The following STK3 variants were observed in gnomAD, a reference collection of about 807,000 sequenced individuals.
The protein encoded by STK3 is serine/threonine-protein kinase 3.
A neutral mutation model predicts 58.0 loss-of-function variants in STK3; 41 were observed. The observed-to-expected ratio is 0.71, with a 90% confidence interval of 0.55 to 0.92. STK3 has a LOEUF of 0.92. STK3 is among the 40% of genes least tolerant of loss of function. The pLI is 0.00. For synonymous variants in STK3, 170 were observed against 191.0 expected (o/e 0.89, Z 0.91); for missense variants, 479 against 602.7 (o/e 0.79, Z 2.15).
intron 1 of STK3, among the ~76,000 whole-genome samples, chr8:98,936,582 T>A (rs1587872125): frequency 6.6e-6 from 1 of 152,334 alleles, no homozygotes; most frequent in Non-Finnish European, 1.5e-5. Flanking sequence ...TCCCAGGCCA[T>A]ATGGCTTGTC....
intron 6 of STK3, among the ~76,000 whole-genome samples, chr8:98,613,648 A>G (rs1438152663): frequency 1.3e-5 from 2 of 152,082 alleles, no homozygotes; most frequent in Non-Finnish European, 2.9e-5. Context: ...CAGGAAGTAA[A>G]AAAAAAGAAA....
intron 10 of STK3, among the ~76,000 whole-genome samples, chr8:98,477,918 G>A (rs1166909473): frequency 6.6e-6 from 1 of 152,082 alleles, no homozygotes; most frequent in Non-Finnish European, 1.5e-5. Flanking sequence ...TTCACAAGAT[G>A]CCAGTAGCTT....
chr8:98,393,144 C>G (rs566082497), upstream of STK3, among the ~76,000 whole-genome samples: 33 of 152,286 alleles, frequency 2.2e-4, no homozygotes, highest in East Asian at 6.2e-3. Flanking sequence ...TGAAAGGTCC[C>G]TTGCCCCCTT....
intron 10 of STK3, among the ~76,000 whole-genome samples, chr8:98,456,712 T>A (rs1819517481): frequency 6.6e-6 from 1 of 152,238 alleles, no homozygotes; most frequent in Non-Finnish European, 1.5e-5. Context: ...GTAGCTGGGA[T>A]GTGCCACTGC....
chr8:98,538,733 G>A (rs1157026862), intron 9 of STK3, among the ~76,000 whole-genome samples: 2 of 152,160 alleles, frequency 1.3e-5, no homozygotes, highest in African/African-American at 4.8e-5. Context: ...ACATCCTTGT[G>A]TGTGTTTTGT....
At chr8:98,896,770 G>A (rs766910817) in intron 1 of STK3, among the ~76,000 whole-genome samples, 4 of 152,182 alleles carry the variant, frequency 2.6e-5, no homozygotes, top group East Asian at 1.9e-4. Context: ...CTTGAGGTCA[G>A]GAGTTTGAGA....
At chr8:98,840,917 A>G (rs977604122) in intron 3 of STK3, among the ~76,000 whole-genome samples, 5 of 152,086 alleles carry the variant, frequency 3.3e-5, no homozygotes, top group African/African-American at 7.2e-5. Context: ...CTGGGACAGG[A>G]TCCACTTCCA....
At chr8:98,569,440 TC>T (rs1323266280) in intron 8 of STK3, among the ~76,000 whole-genome samples, 6 of 151,968 alleles carry the variant, frequency 3.9e-5, no homozygotes, top group African/African-American at 1.5e-4. Context: ...AGGAATTAGT[TC>T]CGATTAGTAA....
Position 98,428,131 on chromosome 8 carries a change from C to T in STK3, n.483+5996G>A. On this transcript the variant is annotated intron_variant and non_coding_transcript_variant, in intron 3 of 3. Coordinates refer to the STK3 transcript ENST00000517832. This position sits in a 1 kb window ranked among gnomAD's most constrained non-coding sequence, Gnocchi z 6.7. ...CTGGGCCGCTTGCTGCTCTGCCACT[C>T]GCGCGAGGCCATTCTGGAGCTCTGC... The T allele has an allele frequency of 6.2e-7, 1 of 1,614,026 alleles. No individual in the cohort carries two copies. The highest frequency in any genetic ancestry group is 8.5e-7 in the Non-Finnish European group (1 of 1,180,020).
In STK3 at chr8:98,564,614, G is replaced by A. The variant is rs140251808; in HGVS notation, c.948+15050C>T. ...TACTGTATATTTCAAAATGGCAGAA[G>A]ATTTTGAATGTTCTTACCACAAAGA... On this transcript the variant is annotated intron_variant, in intron 8 of 10. Transcript: ENST00000419617. Among the ~76,000 whole-genome samples the A allele has an allele frequency of 2.0e-3, 304 of 152,230 alleles. 2 individuals carry two copies. The highest frequency in any genetic ancestry group is 7.1e-3 in the African/African-American group (295 of 41,542).
At chr8:98,491,980 C>T (rs1388991300) in intron 10 of STK3, among the ~76,000 whole-genome samples, 2 of 151,990 alleles carry the variant, frequency 1.3e-5, no homozygotes, top group Non-Finnish European at 2.9e-5. Flanking sequence ...CAAATGTACA[C>T]CAGAAATAAA....
chr8:98,890,012 C>T (rs1268919749), intron 1 of STK3: 1 of 152,250 alleles, frequency 6.6e-6, no homozygotes, highest in Non-Finnish European at 1.5e-5. Context: ...GAGTAAAAGG[C>T]AAAGCCTCTA....
chr8:98,453,935 A>C (rs1819317053), downstream of STK3, among the ~76,000 whole-genome samples: 1 of 152,210 alleles, frequency 6.6e-6, no homozygotes. Flanking sequence ...ACTGTCCCCA[A>C]CAGACTCCAG....
At chr8:98,599,042 A>ATGTGTTGACT in intron 6 of STK3, 1 of 292,158 alleles carries the variant, frequency 3.4e-6, no homozygotes, top group Non-Finnish European at 5.1e-6. Flanking sequence ...ATGAGTCAAC[A>ATGTGTTGACT]CATGTCTGAC....
In STK3 at chr8:98,474,051, T is replaced by A. The variant is rs188934107; in HGVS notation, c.1318-18051A>T. 4.3e-3 allele frequency among the ~76,000 whole-genome samples: 649 copies of A among 152,304 alleles called. 1 individual carries two copies. Among genetic ancestry groups the A allele is most frequent in the Non-Finnish European group, 6.6e-3 (451 of 67,994 alleles). ...TATCTTTTAACCTTTCCTATTTCAC[T>A]AAATGGCTCTTCCACCATCCAACTA... is the stretch of plus-strand genomic sequence containing the variant. On this transcript the variant is annotated intron_variant, in intron 10 of 10. Coordinates refer to ENST00000419617, the MANE Select transcript of STK3 (RefSeq NM_006281.4).
intron 6 of STK3, among the ~76,000 whole-genome samples, chr8:98,691,931 C>CAAA (rs34109446): frequency 9.6e-6 from 1 of 104,502 alleles, no homozygotes. Context: ...AACTCCGCCT[C>CAAA]AAAAAAAAAA....
In STK3 at chr8:98,465,454, G is replaced by C. The variant is rs549961250; in HGVS notation, c.1318-9454C>G. Among the ~76,000 whole-genome samples, 16 of 152,294 alleles carry C rather than the reference G, an allele frequency of 1.1e-4. No individual in the cohort carries two copies. The East Asian group carries it at 3.1e-3, about 29-fold the overall frequency. On this transcript the variant is annotated intron_variant, in intron 10 of 10. Transcript: ENST00000419617. ...AAAATCCCAACTTTCCTGTCAGATT[G>C]TACCTGGTGAAGCATTTTACTTATA...
At chr8:98,762,738 G>A (rs1303466750) in intron 3 of STK3, among the ~76,000 whole-genome samples, 1 of 152,344 alleles carries the variant, frequency 6.6e-6, no homozygotes, top group South Asian at 2.1e-4. Context: ...CACCAGGAGG[G>A]TAGGGACTAT....
chr8:98,645,947 C>A (rs934907789), intron 6 of STK3, among the ~76,000 whole-genome samples: 1 of 152,140 alleles, frequency 6.6e-6, no homozygotes, highest in Non-Finnish European at 1.5e-5. Flanking sequence ...GGATTACAGG[C>A]GTGAGCTATC....
Sources: gnomAD v4.1 joint callset for allele counts (sites outside exome capture counted in the v4.1 genomes callset) on GRCh38, gnomAD v4.1.1 for gene constraint, Gnocchi (gnomAD v3.1) non-coding constraint, MANE v1.5 for transcripts, NCBI Gene and HGNC (gene_info 2026-07-23, HGNC 2026-07-21) for gene names.